The following CPA6 variants were observed in gnomAD, a reference collection of about 807,000 sequenced individuals.
CPA6 encodes carboxypeptidase A6.
In CPA6, 58 loss-of-function variants were observed where a neutral mutation model predicts 63.3. That is an observed-to-expected ratio of 0.92 (90% CI 0.74 to 1.14). The LOEUF (loss-of-function observed/expected upper bound fraction) is 1.14, where lower values mean the gene tolerates loss of function less well. Ranked by LOEUF, CPA6 falls within the 50% of genes most tolerant of loss-of-function variation. The pLI, the probability that CPA6 is intolerant of heterozygous loss-of-function variation, is 0.00. For missense variants in CPA6, 565 were observed against 526.6 expected (o/e 1.07, Z -0.71); for synonymous variants, 185 against 179.0 (o/e 1.03, Z -0.27).
At chr8:67,506,654 C>A (rs1811931371) in intron 6 of CPA6, 133 bp downstream of exon 6, 4 of 628,340 alleles carry the variant, frequency 6.4e-6, no homozygotes. Context: ...ATGAAAGCAG[C>A]CCATGGAATC....
intron 8 of CPA6, among the ~76,000 whole-genome samples, chr8:67,475,160 T>A (rs1464338444): frequency 2.0e-5 from 3 of 152,260 alleles, no homozygotes; most frequent in African/African-American, 7.2e-5. Context: ...GAAACTGTGA[T>A]ACTATTGTTG....
chr8:67,660,496 A>ATTTTTTTT (rs5892089), intron 1 of CPA6, among the ~76,000 whole-genome samples: 4 of 78,938 alleles, frequency 5.1e-5, no homozygotes, highest in African/African-American at 1.2e-4. Context: ...TGCCCGGCTC[A>ATTTTTTTT]TTTTTTTTTT....
Position 67,422,698 on chromosome 8 carries a change from GTT to G in CPA6, c.1127-9_1127-8del. ...GAGCTACCAGAGCTCACATCTAAAA[GTT>G]AAAACAAAAAAAAAAAGATCAGCCT... On this transcript the variant is annotated splice_polypyrimidine_tract_variant and splice_region_variant and intron_variant, in intron 10 of 10. Coordinates refer to ENST00000297770, the MANE Select transcript of CPA6 (RefSeq NM_020361.5). 6.3e-7 allele frequency: 1 copy of G among 1,577,862 alleles called. No homozygotes were observed. Among genetic ancestry groups the G allele is most frequent in the Admixed American group, 1.9e-5 (1 of 52,832 alleles).
chr8:67,694,655 T>C lies in CPA6; in HGVS notation c.116+51359A>G, dbSNP rs77132222. Among the ~76,000 whole-genome samples the C allele has an allele frequency of 3.5e-3, 527 of 152,280 alleles. 2 individuals are homozygous for C. Among genetic ancestry groups the C allele is most frequent in the African/African-American group, 0.012 (509 of 41,546 alleles). On this transcript the variant is annotated intron_variant, in intron 1 of 10. Transcript: ENST00000297770. ...CTGCCAGCCCGCACCTATGGCCTCATGGGGAGTTCTCTAAAATCAGTTTAC... is the reference window on the plus strand; with the variant it reads ...CTGCCAGCCCGCACCTATGGCCTCACGGGGAGTTCTCTAAAATCAGTTTAC...
chr8:67,443,482 G>A (rs1180816925), intron 8 of CPA6, among the ~76,000 whole-genome samples: 2 of 152,046 alleles, frequency 1.3e-5, no homozygotes, highest in East Asian at 3.9e-4. Flanking sequence ...TACCATAACT[G>A]TGAAGTTTTT....
At chr8:67,651,880 T>C (rs1220854084) in intron 1 of CPA6, among the ~76,000 whole-genome samples, 2 of 152,128 alleles carry the variant, frequency 1.3e-5, no homozygotes, top group Non-Finnish European at 2.9e-5. Flanking sequence ...CTCCTAAAGC[T>C]ATCCCTCCCC....
intron 8 of CPA6, among the ~76,000 whole-genome samples, chr8:67,482,581 C>T (rs1349520844): frequency 4.6e-5 from 7 of 152,154 alleles, no homozygotes; most frequent in Admixed American, 4.6e-4. Context: ...GTTTCACCAA[C>T]TGATCTGAGG....
chr8:67,599,279 A>G (rs963843730), intron 2 of CPA6, among the ~76,000 whole-genome samples: 1 of 152,198 alleles, frequency 6.6e-6, no homozygotes, highest in Non-Finnish European at 1.5e-5. Context: ...TGCTTTTACC[A>G]TGCTTCTGTA....
intron 2 of CPA6, among the ~76,000 whole-genome samples, chr8:67,608,728 C>T (rs953873749): frequency 1.3e-5 from 2 of 152,210 alleles, no homozygotes; most frequent in African/African-American, 4.8e-5. Flanking sequence ...CGGAGCCCAA[C>T]AGCGCTCACC....
At chr8:67,504,559 C>T (rs1445061746) in intron 6 of CPA6, among the ~76,000 whole-genome samples, 1 of 152,120 alleles carries the variant, frequency 6.6e-6, no homozygotes. Flanking sequence ...GCTTATGTGG[C>T]AAGGAGTTGA....
At chr8:67,719,003 A>C (rs2129001451) in intron 1 of CPA6, among the ~76,000 whole-genome samples, 1 of 152,260 alleles carries the variant, frequency 6.6e-6, no homozygotes, top group Non-Finnish European at 1.5e-5. Context: ...TAGGGGGAAA[A>C]GCTGAGTCTG....
intron 2 of CPA6, among the ~76,000 whole-genome samples, chr8:67,603,889 CT>C (rs1291598479): frequency 2.6e-5 from 4 of 152,160 alleles, no homozygotes; most frequent in African/African-American, 9.7e-5. Context: ...GTCATTAACA[CT>C]TTTTGTCCTT....
chr8:67,555,575 T>C (rs55925249), intron 2 of CPA6, among the ~76,000 whole-genome samples: 45 of 152,296 alleles, frequency 3.0e-4, no homozygotes, highest in Non-Finnish European at 5.0e-4. Flanking sequence ...TCCTGAGTTC[T>C]AGGAGTCATT....
Position 67,720,786 on chromosome 8 carries a change from G to A in CPA6, c.116+25228C>T, listed in dbSNP as rs548798438. Among the ~76,000 whole-genome samples the A allele has an allele frequency of 4.6e-5, 7 of 152,276 alleles. No homozygotes were observed. In the South Asian group the frequency reaches 6.2e-4, roughly 14 times the overall value. On this transcript the variant is annotated intron_variant, in intron 1 of 10. Transcript: ENST00000297770. ...AACTTCTTTGAATGAAGAGCTGTGC[G>A]TTCAGACACAGTTCTGCTCCAGAGC...
At chr8:67,475,736 T>G (rs1399777025) in intron 8 of CPA6, among the ~76,000 whole-genome samples, 2 of 151,826 alleles carry the variant, frequency 1.3e-5, no homozygotes, top group Non-Finnish European at 2.9e-5. Context: ...TCTTTTTTTC[T>G]TTCTTTCCTT....
rs1050138873 is a variant in CPA6, at chr8:67,624,807, C to T, written c.117-556G>A. On this transcript the variant is annotated intron_variant, in intron 1 of 10. Coordinates refer to ENST00000297770, the MANE Select transcript of CPA6 (RefSeq NM_020361.5). Reference sequence around the variant, plus strand: ...TTGTGGGGCCAAACAAGAGGGCCGTCGGCGTTAGACACTGATGGCTGTAAA... The same window carrying T: ...TTGTGGGGCCAAACAAGAGGGCCGTTGGCGTTAGACACTGATGGCTGTAAA... Among the ~76,000 whole-genome samples the T allele has an allele frequency of 7.9e-5, 12 of 152,046 alleles. 1 individual carries two copies. In the East Asian group the frequency reaches 1.7e-3, roughly 22 times the overall value.
At chr8:67,678,515 T>A (rs1168862717) in intron 1 of CPA6, among the ~76,000 whole-genome samples, 2 of 152,082 alleles carry the variant, frequency 1.3e-5, no homozygotes, top group Non-Finnish European at 2.9e-5. Flanking sequence ...CCACTAAACA[T>A]AACAAAATGG....
In CPA6 at chr8:67,447,087, T is replaced by C. The variant is rs28404650; in HGVS notation, c.839-12847A>G. 4.7e-5 allele frequency among the ~76,000 whole-genome samples: 7 copies of C among 147,828 alleles called. No individual in the cohort carries two copies. In the South Asian group the frequency reaches 8.6e-4, roughly 18 times the overall value. ...ATACACACATATATACACATATATA[T>C]ACACACATATATATACACATATATA... is the stretch of plus-strand genomic sequence containing the variant. On this transcript the variant is annotated intron_variant, in intron 8 of 10. Transcript: ENST00000297770.
chr8:67,510,101 TAAAG>T (rs1812012809), intron 4 of CPA6, among the ~76,000 whole-genome samples: 1 of 152,192 alleles, frequency 6.6e-6, no homozygotes, highest in African/African-American at 2.4e-5. Context: ...TTTTTCCATT[TAAAG>T]GTTCTTTTAC....
Sources: allele counts gnomAD v4.1 joint callset (sites outside exome capture counted in the v4.1 genomes callset), GRCh38; gene constraint gnomAD v4.1.1; transcripts MANE v1.5; gene names NCBI Gene and HGNC (gene_info 2026-07-23, HGNC 2026-07-21).